Variants in FGD5 observed in about 807,000 individuals in gnomAD.
FGD5 encodes FYVE, RhoGEF and PH domain-containing protein 5.
FGD5 carries 28 observed loss-of-function variants against 133.4 expected under a neutral mutation model. The observed-to-expected ratio is 0.21, with a 90% confidence interval of 0.16 to 0.29. The LOEUF (loss-of-function observed/expected upper bound fraction) is 0.29, where lower values mean the gene tolerates loss of function less well. FGD5 is among the 10% of genes least tolerant of loss of function. The pLI is 1.00. For missense variants in FGD5, 1,858 were observed against 1,895.2 expected, an observed-to-expected ratio of 0.98 and a Z score of 0.36; for synonymous variants, 810 against 776.5, an observed-to-expected ratio of 1.04 and a Z score of -0.72.
intron 17 of FGD5, among the ~76,000 whole-genome samples, chr3:14,925,099 T>C (rs2038771333): frequency 4.3e-5 from 1 of 23,214 alleles, no homozygotes; most frequent in East Asian, 1.3e-3. Flanking sequence ...AGACTCTGTC[T>C]CAAAAAAAAA....
chr3:14,832,678 A>G (rs181739967), intron 1 of FGD5, among the ~76,000 whole-genome samples: 18 of 152,316 alleles, frequency 1.2e-4, no homozygotes, highest in Non-Finnish European at 2.1e-4. Context: ...GAGGATGTCT[A>G]TAGGAATGGT....
intron 1 of FGD5, among the ~76,000 whole-genome samples, chr3:14,825,889 T>C (rs2036589355): frequency 6.6e-6 from 1 of 152,332 alleles, no homozygotes; most frequent in Middle Eastern, 3.4e-3. Flanking sequence ...AAATGTATAC[T>C]GATGAGTTGG....
intron 4 of FGD5, 125 bp from the exon 5 acceptor site, chr3:14,897,384 C>T (rs1449522796): frequency 9.7e-6 from 11 of 1,135,872 alleles, no homozygotes; most frequent in East Asian, 5.1e-5. Flanking sequence ...TCTGGAGACA[C>T]TGGCTTAAGT....
Position 14,932,736 on chromosome 3 carries a change from G to C in FGD5, c.4352+5G>C. The C allele has an allele frequency of 6.2e-7, 1 of 1,610,528 alleles. No individual in the cohort carries two copies. Among genetic ancestry groups the C allele is most frequent in the Non-Finnish European group, 8.5e-7 (1 of 1,178,960 alleles). Reference sequence around the variant, plus strand: ...AGATACCAATTCAGCTCAGAGGTACGAAAAGAACTAATTAGTCTTATAGCT... The same window carrying C: ...AGATACCAATTCAGCTCAGAGGTACCAAAAGAACTAATTAGTCTTATAGCT... On this transcript the variant is annotated splice_donor_5th_base_variant and intron_variant, in intron 19 of 19. Transcript: ENST00000285046.
intron 2 of FGD5, among the ~76,000 whole-genome samples, chr3:14,872,722 A>C (rs1281287091): frequency 1.3e-5 from 2 of 152,210 alleles, no homozygotes; most frequent in South Asian, 2.1e-4. Context: ...GCATGAAGGC[A>C]CTCAGTGCAC....
At chr3:14,929,243 C>T (rs966224856) in intron 18 of FGD5, among the ~76,000 whole-genome samples, 39 of 152,168 alleles carry the variant, frequency 2.6e-4, no homozygotes, top group African/African-American at 8.9e-4. Context: ...AGCTGTTCAC[C>T]AGTCAAAGGA....
intron 2 of FGD5, among the ~76,000 whole-genome samples, chr3:14,866,761 C>T (rs190761558): frequency 6.6e-5 from 10 of 152,306 alleles, no homozygotes; most frequent in East Asian, 1.9e-4. Flanking sequence ...CAAGTTCAGC[C>T]GGGACTCAGC....
intron 16 of FGD5, among the ~76,000 whole-genome samples, chr3:14,923,558 G>A (rs1559508015): frequency 1.3e-5 from 2 of 152,152 alleles, no homozygotes; most frequent in African/African-American, 4.8e-5. Flanking sequence ...CTGGGGTCAG[G>A]GAGGGGTGAA....
At chr3:14,854,603 A>G (rs1475124056) in intron 1 of FGD5, among the ~76,000 whole-genome samples, 1 of 151,768 alleles carries the variant, frequency 6.6e-6, no homozygotes, top group Admixed American at 6.6e-5. Flanking sequence ...TTTTGTAGGT[A>G]TGGGAGGTCT....
chr3:14,914,910 A>C (rs2038522371), intron 11 of FGD5, among the ~76,000 whole-genome samples: 2 of 152,354 alleles, frequency 1.3e-5, no homozygotes, highest in African/African-American at 2.4e-5. Context: ...GTGTCAATGC[A>C]CTGTAGTGCC....
chr3:14,840,293 T>C (rs2036896913), intron 1 of FGD5, among the ~76,000 whole-genome samples: 1 of 152,092 alleles, frequency 6.6e-6, no homozygotes, highest in Admixed American at 6.6e-5. Flanking sequence ...TACAGGCGTG[T>C]GCCACCACGC....
chr3:14,830,117 C>G (rs886949501), intron 1 of FGD5, among the ~76,000 whole-genome samples: 8 of 152,176 alleles, frequency 5.3e-5, no homozygotes, highest in African/African-American at 1.9e-4. Flanking sequence ...ATCTTTATAT[C>G]TGCCTGTAAG....
intron 2 of FGD5, among the ~76,000 whole-genome samples, chr3:14,870,177 C>T (rs559515399): frequency 2.1e-4 from 32 of 152,174 alleles, no homozygotes; most frequent in African/African-American, 7.2e-4. Context: ...CTGTGAAGCC[C>T]TAGGGCAGAG....
In FGD5 at chr3:14,901,079, G is replaced by T; in HGVS notation, c.3264+18G>T. 6.2e-7 allele frequency: 1 copy of T among 1,613,886 alleles called. No homozygotes were observed. Among genetic ancestry groups the T allele is most frequent in the Admixed American group, 1.7e-5 (1 of 60,022 alleles). On this transcript the variant is annotated intron_variant, in intron 9 of 19. Coordinates refer to ENST00000285046, the MANE Select transcript of FGD5 (RefSeq NM_152536.4). ...AGCAAGGGGTGAGTGCGGCCTGGCG[G>T]CCCCCTTCCTCAGACACAGGTTCCA...
At chr3:14,866,219 G>A (rs1386528870) in intron 2 of FGD5, among the ~76,000 whole-genome samples, 3 of 152,172 alleles carry the variant, frequency 2.0e-5, no homozygotes, top group Admixed American at 2.0e-4. Flanking sequence ...CTCTGAAAGA[G>A]AGCACTAATA....
intron 7 of FGD5, 74 bp downstream of exon 7, chr3:14,898,900 C>A: frequency 1.5e-6 from 2 of 1,323,212 alleles, no homozygotes; most frequent in Non-Finnish European, 2.1e-6. Context: ...GTGGAGGGGA[C>A]TGTGGTGACC....
chr3:14,817,310 C>T (rs1328731613), upstream of FGD5, among the ~76,000 whole-genome samples: 1 of 152,154 alleles, frequency 6.6e-6, no homozygotes, highest in Non-Finnish European at 1.5e-5. Context: ...ATTCCTCTGC[C>T]TCAGCCTCCT....
chr3:14,863,961 G>T (rs1214157041), intron 1 of FGD5, among the ~76,000 whole-genome samples, 167 bp from the exon 2 acceptor site: 6 of 152,222 alleles, frequency 3.9e-5, no homozygotes, highest in Non-Finnish European at 7.3e-5. Flanking sequence ...GTGTGTTCAG[G>T]GCTCCAAATG....
chr3:14,817,415 C>T (rs1043137961), upstream of FGD5, among the ~76,000 whole-genome samples: 2 of 152,082 alleles, frequency 1.3e-5, no homozygotes, highest in African/African-American at 2.4e-5. Flanking sequence ...AGGCTGGTCT[C>T]GAACTCCTGA....
Sources: allele counts gnomAD v4.1 joint callset (sites outside exome capture counted in the v4.1 genomes callset), GRCh38; gene constraint gnomAD v4.1.1; transcripts MANE v1.5; gene names NCBI Gene and HGNC (gene_info 2026-07-23, HGNC 2026-07-21).